The following PCDH15 variants were observed in gnomAD, a reference collection of about 807,000 sequenced individuals.
The protein encoded by PCDH15 is protocadherin-15.
PCDH15 carries 129 observed loss-of-function variants against 178.5 expected under a neutral mutation model. The observed-to-expected ratio is 0.72, with a 90% CI of 0.63 to 0.84. PCDH15 has a LOEUF of 0.84. PCDH15 is among the 40% of genes least tolerant of loss of function. The probability of loss-of-function intolerance (pLI) is 0.00; values close to 1 mark genes in which losing one functional copy is unlikely to be tolerated. For synonymous variants in PCDH15, 800 were observed against 732.0 expected (o/e 1.09, Z -1.50); for missense variants, 2,230 against 2,099.9 (o/e 1.06, Z -1.21).
chr10:54,528,811 A>G lies in PCDH15; in HGVS notation c.92-934T>C, dbSNP rs1208740867. 3.9e-5 allele frequency among the ~76,000 whole-genome samples: 6 copies of G among 152,098 alleles called. No homozygotes were observed. The South Asian group carries it at 1.2e-3, about 31-fold the overall frequency. On this transcript the variant is annotated intron_variant, in intron 2 of 37. Transcript: ENST00000644397. ...ATTCATTATTTCAAACACTGCTAAT[A>G]TCCTTCCAGGTATCACATGATAATG...
At chr10:54,405,104 C>T (rs1053649386) in intron 3 of PCDH15, among the ~76,000 whole-genome samples, 3 of 151,764 alleles carry the variant, frequency 2.0e-5, no homozygotes, top group Non-Finnish European at 2.9e-5. Flanking sequence ...TGATTCCTCA[C>T]GGACCTGAGA....
chr10:55,371,222 C>A (rs1171401823), intron 2 of PCDH15, among the ~76,000 whole-genome samples: 1 of 152,036 alleles, frequency 6.6e-6, no homozygotes, highest in South Asian at 2.1e-4. Flanking sequence ...AGGGAGACTA[C>A]TACAGACTGA....
intron 2 of PCDH15, among the ~76,000 whole-genome samples, chr10:55,553,889 G>T (rs114285466): frequency 1.6e-4 from 24 of 151,832 alleles, no homozygotes; most frequent in Non-Finnish European, 2.1e-4. Flanking sequence ...ACTATAAAAG[G>T]CACTGAAAAA....
intron 2 of PCDH15, among the ~76,000 whole-genome samples, chr10:54,917,786 T>C (rs1837378371): frequency 6.6e-6 from 1 of 152,202 alleles, no homozygotes; most frequent in Non-Finnish European, 1.5e-5. Context: ...TCTCTGTGAA[T>C]GTAACTGAAT....
chr10:55,381,414 C>T (rs186536399), intron 2 of PCDH15, among the ~76,000 whole-genome samples: 40 of 152,202 alleles, frequency 2.6e-4, no homozygotes, highest in Admixed American at 1.4e-3. Flanking sequence ...CTTTTTCTCC[C>T]CTGATGTCAA....
chr10:54,023,925 C>T (rs1225025205), intron 18 of PCDH15, among the ~76,000 whole-genome samples: 2 of 151,798 alleles, frequency 1.3e-5, no homozygotes, highest in Non-Finnish European at 2.9e-5. Flanking sequence ...AATTAATGAA[C>T]ATTAGATGAA....
Position 53,822,793 on chromosome 10 carries a change from G to GTGTT in PCDH15, c.4368-2567_4368-2564dup, listed in dbSNP as rs750969870. ...AACTGTTCTGTTCCTTCTATCATCA[G>GTGTT]TGTTTCACCTTGCCTTATTTCCTCT... On this transcript the variant is annotated intron_variant, in intron 32 of 37. Coordinates refer to ENST00000644397, the MANE Select transcript of PCDH15 (RefSeq NM_001384140.1). 2 of 1,614,118 alleles carry GTGTT rather than the reference G, an allele frequency of 1.2e-6. No individual in the cohort carries two copies. The highest frequency in any genetic ancestry group is 2.2e-5 in the South Asian group (2 of 91,082).
intron 2 of PCDH15, among the ~76,000 whole-genome samples, chr10:55,482,667 G>C (rs995261325): frequency 3.3e-5 from 5 of 151,756 alleles, no homozygotes; most frequent in Admixed American, 3.3e-4. Context: ...TAGCTTGTAG[G>C]ATTTCCACTG....
At position 53,855,904 on chromosome 10, in the gene PCDH15, G is replaced by GTATATATATATA. The variant is rs56290679; in HGVS notation, c.3806+1259_3806+1270dup. On this transcript the variant is annotated intron_variant, in intron 28 of 37. Coordinates refer to ENST00000644397, the MANE Select transcript of PCDH15 (RefSeq NM_001384140.1). ...TAAAAGTTAAAAAAAAAGGTGATAT[G>GTATATATATATA]TATATATATATATATATGTATGTGT... Among the ~76,000 whole-genome samples, 1,054 of 109,648 alleles carry GTATATATATATA rather than the reference G, an allele frequency of 9.6e-3. 105 individuals are homozygous for GTATATATATATA. Among genetic ancestry groups the GTATATATATATA allele is most frequent in the African/African-American group, 0.03 (802 of 26,490 alleles). The allele number at this position is 109,648 out of a possible 152,430, so 71.9% of individuals were successfully genotyped here.
At chr10:54,060,826 T>C (rs541733689) in intron 18 of PCDH15, among the ~76,000 whole-genome samples, 2 of 152,152 alleles carry the variant, frequency 1.3e-5, no homozygotes, top group South Asian at 4.2e-4. Flanking sequence ...CTCATTAAAG[T>C]ATGTAAGGAG....
At chr10:54,546,928 T>C (rs1403231045) in intron 2 of PCDH15, among the ~76,000 whole-genome samples, 1 of 152,184 alleles carries the variant, frequency 6.6e-6, no homozygotes, top group African/African-American at 2.4e-5. Context: ...GACTTCATCA[T>C]ATTCATTTGG....
At chr10:53,877,552 G>T (rs552804757) in intron 26 of PCDH15, among the ~76,000 whole-genome samples, 92 of 152,198 alleles carry the variant, frequency 6.0e-4, no homozygotes, top group Middle Eastern at 3.4e-3. Context: ...TAACATACTT[G>T]TTATTTTTGA....
chr10:53,883,398 T>G (rs2080871434), intron 26 of PCDH15, among the ~76,000 whole-genome samples: 1 of 152,256 alleles, frequency 6.6e-6, no homozygotes, highest in Admixed American at 6.5e-5. Context: ...TTTAAAGAGA[T>G]ATATTTTTTT....
intron 23 of PCDH15, among the ~76,000 whole-genome samples, chr10:53,953,284 A>G (rs1180992404): frequency 3.9e-5 from 6 of 152,256 alleles, no homozygotes; most frequent in Non-Finnish European, 7.3e-5. Context: ...TTAATGACAA[A>G]TGAAGCACAC....
chr10:55,162,720 C>A (rs1372976223), intron 2 of PCDH15, among the ~76,000 whole-genome samples: 1 of 152,050 alleles, frequency 6.6e-6, no homozygotes, highest in Non-Finnish European at 1.5e-5. Context: ...GTCTGGATTG[C>A]GACCTCTTTC....
chr10:54,905,123 A>G (rs1196016477), intron 2 of PCDH15, among the ~76,000 whole-genome samples: 1 of 152,014 alleles, frequency 6.6e-6, no homozygotes, highest in Admixed American at 6.6e-5. Context: ...TGACAGAGCA[A>G]GGATTTGGCC....
At chr10:55,617,465 G>T (rs554054545) in intron 2 of PCDH15, among the ~76,000 whole-genome samples, 1 of 152,172 alleles carries the variant, frequency 6.6e-6, no homozygotes, top group East Asian at 1.9e-4. Context: ...CTACACAAAA[G>T]CAAATGACTA....
At chr10:53,916,764 G>A (rs2083562224) in intron 25 of PCDH15, among the ~76,000 whole-genome samples, 1 of 152,122 alleles carries the variant, frequency 6.6e-6, no homozygotes, top group Non-Finnish European at 1.5e-5. Flanking sequence ...CTGAGGTAAA[G>A]TTTCTTATTC....
At chr10:53,964,372 A>ATTTTATTTATTCAT (rs2088713113) in intron 21 of PCDH15, among the ~76,000 whole-genome samples, 1 of 51,614 alleles carries the variant, frequency 1.9e-5, no homozygotes. Flanking sequence ...TTATTTATAA[A>ATTTTATTTATTCAT]AAAATTTATT....
Sources: allele counts gnomAD v4.1 joint callset (sites outside exome capture counted in the v4.1 genomes callset), GRCh38; gene constraint gnomAD v4.1.1; transcripts MANE v1.5; gene names NCBI Gene and HGNC (gene_info 2026-07-23, HGNC 2026-07-21).